The following MRPL48 variants were observed in gnomAD, a reference collection of about 807,000 sequenced individuals.
The protein encoded by MRPL48 is mitochondrial ribosomal protein L48.
In MRPL48, 16 loss-of-function variants were observed where a neutral mutation model predicts 32.9. The observed-to-expected ratio is 0.49, with a 90% confidence interval of 0.33 to 0.74. MRPL48 has a LOEUF of 0.74. Among genes scored for constraint, MRPL48 ranks in the 30% least tolerant of loss-of-function variants. The pLI, the probability that MRPL48 is intolerant of heterozygous loss-of-function variation, is 0.02. For synonymous variants in MRPL48, 94 were observed against 89.2 expected (o/e 1.05, Z -0.31); for missense variants, 206 against 245.3 (o/e 0.84, Z 1.07).
chr11:73,795,946 T>A (rs866445870), intron 1 of MRPL48, among the ~76,000 whole-genome samples: 1 of 152,232 alleles, frequency 6.6e-6, no homozygotes, highest in Non-Finnish European at 1.5e-5. Flanking sequence ...CCCCATACTG[T>A]CATCTCCCAG....
chr11:73,835,684 A>T lies in MRPL48; in HGVS notation c.202-9123A>T, dbSNP rs573560216. 1.6e-4 allele frequency among the ~76,000 whole-genome samples: 25 copies of T among 152,202 alleles called. No individual in the cohort carries two copies. The South Asian group carries it at 4.8e-3, about 29-fold the overall frequency. ...GAGGCGGAGGCTGGTGGATCACCTG[A>T]GTTCAGGAGTTTGAGACCAGCCTGG... On this transcript the variant is annotated intron_variant, in intron 4 of 7. Transcript: ENST00000310614.
intron 1 of MRPL48, among the ~76,000 whole-genome samples, chr11:73,796,610 G>T (rs1417997814): frequency 6.6e-6 from 1 of 152,250 alleles, no homozygotes; most frequent in Admixed American, 6.5e-5. Context: ...AAGGGGGCAG[G>T]TTCCCATTGA....
intron 6 of MRPL48, among the ~76,000 whole-genome samples, chr11:73,862,228 G>A (rs1306707183): frequency 6.6e-6 from 1 of 152,194 alleles, no homozygotes; most frequent in Non-Finnish European, 1.5e-5. Flanking sequence ...TTTGAGACCA[G>A]CCTCACCAAC....
In MRPL48 at chr11:73,819,931, A is replaced by G. The variant is rs117785553; in HGVS notation, c.113-5777A>G. Among the ~76,000 whole-genome samples, 699 of 152,316 alleles carry G rather than the reference A, an allele frequency of 4.6e-3. 4 individuals carry two copies. Among genetic ancestry groups the G allele is most frequent in the Non-Finnish European group, 7.1e-3 (485 of 68,028 alleles). ...AAACAAACAATTGTGTGTGTGCAAT[A>G]AATAAATGGTTAGATTAATGAAAGA... On this transcript the variant is annotated intron_variant, in intron 3 of 7. Coordinates refer to ENST00000310614, the MANE Select transcript of MRPL48 (RefSeq NM_016055.6).
chr11:73,792,751 C>T (rs1413499763), intron 1 of MRPL48, among the ~76,000 whole-genome samples: 1 of 152,182 alleles, frequency 6.6e-6, no homozygotes, highest in Non-Finnish European at 1.5e-5. Context: ...TCTTCAGCAC[C>T]TGTCACACCC....
intron 1 of MRPL48, among the ~76,000 whole-genome samples, chr11:73,792,117 C>G (rs1349585592): frequency 2.0e-5 from 3 of 152,098 alleles, no homozygotes; most frequent in Non-Finnish European, 1.5e-5. Context: ...CTGGATAGAG[C>G]CAGTACCTCT....
At chr11:73,856,995 C>T (rs1948491111) in intron 5 of MRPL48, among the ~76,000 whole-genome samples, 1 of 152,176 alleles carries the variant, frequency 6.6e-6, no homozygotes. Flanking sequence ...TGAGGCTTTC[C>T]CTGAGCCCCC....
intron 5 of MRPL48, among the ~76,000 whole-genome samples, chr11:73,848,002 T>G (rs1031252282): frequency 2.6e-5 from 4 of 152,342 alleles, no homozygotes; most frequent in African/African-American, 7.2e-5. Flanking sequence ...GTTCAGTTTA[T>G]CAATCTTTTT....
chr11:73,831,480 T>C (rs1354317001), intron 4 of MRPL48, among the ~76,000 whole-genome samples: 2 of 152,212 alleles, frequency 1.3e-5, no homozygotes, highest in Non-Finnish European at 2.9e-5. Context: ...GTGCTCATCC[T>C]GTAAGACCCA....
chr11:73,846,067 CAAAA>C (rs749259766), intron 5 of MRPL48, among the ~76,000 whole-genome samples: 6,055 of 57,618 alleles, frequency 0.11, 113 homozygotes, highest in Middle Eastern at 0.2. Flanking sequence ...GACCCTGTCT[CAAAA>C]AAAAAAAAAA....
At chr11:73,816,747 A>C (rs545148007) in intron 3 of MRPL48, among the ~76,000 whole-genome samples, 27 of 152,138 alleles carry the variant, frequency 1.8e-4, no homozygotes, top group African/African-American at 6.5e-4. Flanking sequence ...TACAGGCATG[A>C]GCCACCCTGC....
At position 73,818,516 on chromosome 11, in the gene MRPL48, A is replaced by C. The variant is rs185089449; in HGVS notation, c.113-7192A>C. Among the ~76,000 whole-genome samples the C allele has an allele frequency of 1.9e-4, 29 of 152,322 alleles. No individual in the cohort carries two copies. The East Asian group carries it at 5.4e-3, about 28-fold the overall frequency. ...AGCTGGCAGGGACAAATCATTGCAGATTGTTTTGGTAAAATATCTTAAGAA... is the reference window on the plus strand; with the variant it reads ...AGCTGGCAGGGACAAATCATTGCAGCTTGTTTTGGTAAAATATCTTAAGAA... On this transcript the variant is annotated intron_variant, in intron 3 of 7. Transcript: ENST00000310614.
At position 73,805,041 on chromosome 11, in the gene MRPL48, G is replaced by A; in HGVS notation, c.36G>A (p.Arg12=). Residue 12 remains arginine, a synonymous_variant, in exon 2 of 8, where the codon AGG becomes AGA. Transcript: ENST00000310614. The part of the protein sequence containing the change: ...SGTLEKVLCL[R]NNTIFKQAFS... ...TTTTGCTGTAGGTGCTGTGCCTGAG[G>A]AACAATACCATTTTTAAGCAAGCCT... The A allele has an allele frequency of 6.3e-7, 1 of 1,590,592 alleles. No homozygotes were observed. The highest frequency in any genetic ancestry group is 8.6e-7 in the Non-Finnish European group (1 of 1,167,544).
chr11:73,790,374 C>CTTTTTTTTTTTT lies in MRPL48; in HGVS notation c.21+2399_21+2410dup, dbSNP rs759628609. On this transcript the variant is annotated intron_variant, in intron 1 of 7. Coordinates refer to ENST00000310614, the MANE Select transcript of MRPL48 (RefSeq NM_016055.6). Reference sequence around the variant, plus strand: ...ACAGGTGTGAGCCACCGCACCCGGCCTTTTTTTTTTTTTTTTTTTTTTTTT... The same window carrying CTTTTTTTTTTTT: ...ACAGGTGTGAGCCACCGCACCCGGCCTTTTTTTTTTTTTTTTTTTTTTTTTTTTTTTTTTTTT... 6.9e-5 allele frequency among the ~76,000 whole-genome samples: 4 copies of CTTTTTTTTTTTT among 58,020 alleles called. 1 individual carries two copies. The highest frequency in any genetic ancestry group is 3.6e-4 in the East Asian group (1 of 2,746). The allele number at this position is 58,020 out of a possible 152,430, so 38.1% of individuals were successfully genotyped here.
At chr11:73,794,003 G>T (rs950377396) in intron 1 of MRPL48, among the ~76,000 whole-genome samples, 1 of 148,890 alleles carries the variant, frequency 6.7e-6, no homozygotes, top group East Asian at 2.2e-4. Context: ...CACCACGCCC[G>T]GCCTGAAACC....
In MRPL48 at chr11:73,808,345, C is replaced by A; in HGVS notation, c.107C>A (p.Ser36Tyr). Reference sequence around the variant, plus strand: ...ACTTCAGGAGAGAAGCCCATCTATTCTGTAGGTAAGCAGTTTTTACCTGAT... The same window carrying A: ...ACTTCAGGAGAGAAGCCCATCTATTATGTAGGTAAGCAGTTTTTACCTGAT... ...FRTSGEKPIY[S>Y]VGGILLSISR... The change falls in exon 3 of 8, where the codon TCT (serine) becomes TAT (tyrosine). Residue 36 changes from serine to tyrosine, a missense_variant. By Grantham distance (144) the Ser-to-Tyr change is moderately radical. Transcript: ENST00000310614. 6.2e-7 allele frequency: 1 copy of A among 1,608,144 alleles called. No individual in the cohort carries two copies.
chr11:73,863,106 A>G, intron 6 of MRPL48, 66 bp from the exon 7 acceptor site: 1 of 1,385,282 alleles, frequency 7.2e-7, no homozygotes, highest in Admixed American at 2.0e-5. Context: ...AACCCATACC[A>G]TGTCTGCCCA....
chr11:73,788,092 A>T, intron 1 of MRPL48, 100 bp downstream of exon 1: 9 of 1,541,020 alleles, frequency 5.8e-6, no homozygotes, highest in Non-Finnish European at 7.9e-6. Context: ...CGGCGCGCGG[A>T]CATCCGGGGA....
intron 2 of MRPL48, among the ~76,000 whole-genome samples, chr11:73,807,701 G>T (rs994679069): frequency 7.0e-6 from 1 of 142,152 alleles, no homozygotes; most frequent in Admixed American, 7.5e-5. Flanking sequence ...GCAGTGGCAC[G>T]ATCTTGGCTT....
Sources: allele counts gnomAD v4.1 joint callset (sites outside exome capture counted in the v4.1 genomes callset), GRCh38; gene constraint gnomAD v4.1.1; transcripts MANE v1.5; gene names NCBI Gene and HGNC (gene_info 2026-07-23, HGNC 2026-07-21).